The following PCDHGB2 variants were observed in gnomAD, a reference collection of about 807,000 sequenced individuals.
The protein encoded by PCDHGB2 is protocadherin gamma-B2.
In PCDHGB2, 55 loss-of-function variants were observed where a neutral mutation model predicts 59.3. The ratio of observed to expected loss-of-function variants is 0.93; its 90% CI spans 0.75 to 1.16. The LOEUF (loss-of-function observed/expected upper bound fraction) is 1.16, where lower values mean the gene tolerates loss of function less well. Ranked by LOEUF, PCDHGB2 falls within the 50% of genes most tolerant of loss-of-function variation. The probability of loss-of-function intolerance (pLI) is 0.00; values close to 1 mark genes in which losing one functional copy is unlikely to be tolerated. For missense variants in PCDHGB2, 1,228 were observed against 1,198.5 expected, an observed-to-expected ratio of 1.02 and a Z score of -0.36; for synonymous variants, 516 against 512.0, an observed-to-expected ratio of 1.01 and a Z score of -0.11.
intron 1 of PCDHGB2, chr5:141,394,121 T>G: frequency 6.2e-7 from 1 of 1,613,920 alleles, no homozygotes; most frequent in Non-Finnish European, 8.5e-7. Flanking sequence ...CCACTGAAAC[T>G]CAAATCGCTC....
intron 1 of PCDHGB2, among the ~76,000 whole-genome samples, chr5:141,492,167 C>T (rs565536989): frequency 6.6e-6 from 1 of 152,344 alleles, no homozygotes; most frequent in East Asian, 1.9e-4. Context: ...CCTATCCCCG[C>T]ATCACCCAAC....
In PCDHGB2 at chr5:141,511,269, C is replaced by A; in HGVS notation, c.*96C>A. The A allele has an allele frequency of 1.3e-6, 2 of 1,546,672 alleles. No homozygotes were observed. Among genetic ancestry groups the A allele is most frequent in the Non-Finnish European group, 1.7e-6 (2 of 1,145,264 alleles). The stretch of plus-strand genomic sequence containing the variant: ...AGGCCTCAGAGTTTCAGGGCTAACC[C>A]CCAGAATACTGGTAGGGGCCAAGGC... On this transcript the variant is annotated 3_prime_UTR_variant, in exon 4 of 4. Transcript: ENST00000522605.
At position 141,476,789 on chromosome 5, in the gene PCDHGB2, T is replaced by C; in HGVS notation, c.2422-18018T>C. ...GTTGGACGGAGGGACCCCAGCTCTC[T>C]CCGCCAGCCTGCCTATTCACATCAA... On this transcript the variant is annotated intron_variant, in intron 1 of 3. Transcript: ENST00000522605. The surrounding 1 kb of genome is among the most constrained non-coding windows in gnomAD (Gnocchi z 7.6). 1.2e-6 allele frequency: 2 copies of C among 1,613,374 alleles called. No individual in the cohort carries two copies. The highest frequency in any genetic ancestry group is 4.5e-5 in the East Asian group (2 of 44,864).
chr5:141,400,743 C>G (rs1404866842), intron 1 of PCDHGB2: 1 of 611,332 alleles, frequency 1.6e-6, no homozygotes, highest in Non-Finnish European at 2.8e-6. Flanking sequence ...AGAGTTTGCT[C>G]TTAGCTTCCT....
intron 3 of PCDHGB2, chr5:141,507,213 G>C (rs1016967764): frequency 6.6e-6 from 1 of 152,558 alleles, no homozygotes; most frequent in African/African-American, 2.4e-5. Context: ...AGGGTTGCCA[G>C]ATAAAATACA....
Position 141,505,441 on chromosome 5 carries a change from C to A in PCDHGB2, c.2529C>A (p.Asp843Glu), listed in dbSNP as rs2099846055. 6.2e-7 allele frequency: 1 copy of A among 1,614,084 alleles called. No individual in the cohort carries two copies. Among genetic ancestry groups the A allele is most frequent in the Non-Finnish European group, 8.5e-7 (1 of 1,180,024 alleles). Reference sequence around the variant, plus strand: ...GCACCTGGCCCAACAACCAGTTTGACACAGAGATGCTGCAAGCCATGATCT... The same window carrying A: ...GCACCTGGCCCAACAACCAGTTTGAAACAGAGATGCTGCAAGCCATGATCT... ...DTGTWPNNQFDTEMLQAMILA... is the reference protein window; with the variant it reads ...DTGTWPNNQFETEMLQAMILA... Residue 843 changes from aspartate to glutamate, a missense_variant, in exon 3 of 4, where the codon GAC becomes GAA. Transcript: ENST00000522605.
chr5:141,483,648 TTGTG>T (rs111458813), intron 1 of PCDHGB2, among the ~76,000 whole-genome samples: 10 of 149,592 alleles, frequency 6.7e-5, no homozygotes, highest in Non-Finnish European at 1.0e-4. Flanking sequence ...GGGTGTGTGT[TTGTG>T]TGTGTGTGTG....
At chr5:141,467,939 A>G (rs2099154812) in intron 1 of PCDHGB2, among the ~76,000 whole-genome samples, 2 of 152,190 alleles carry the variant, frequency 1.3e-5, no homozygotes, top group Admixed American at 6.5e-5. Context: ...GATTACAAGC[A>G]TGAGCCACCA....
chr5:141,408,909 A>G lies in PCDHGB2; in HGVS notation c.2421+46353A>G, dbSNP rs746399377. On this transcript the variant is annotated intron_variant, in intron 1 of 3. Transcript: ENST00000522605. ...ATAGAAATTTCTGTCAAGGATACCA[A>G]TGATAACCCCCCGGTTTTCAGCAGA... 1.3e-5 allele frequency: 21 copies of G among 1,613,442 alleles called. No individual in the cohort carries two copies. In the East Asian group the frequency reaches 2.5e-4, roughly 19 times the overall value.
chr5:141,376,790 C>T (rs993106299), intron 1 of PCDHGB2: 2 of 364,964 alleles, frequency 5.5e-6, no homozygotes, highest in Non-Finnish European at 9.9e-6. Context: ...GGGTTCACGC[C>T]ATTCTCCTGC....
At position 141,487,578 on chromosome 5, in the gene PCDHGB2, C is replaced by T. The variant is rs1293087014; in HGVS notation, c.2422-7229C>T. The T allele has an allele frequency of 1.2e-6, 2 of 1,614,052 alleles. No individual in the cohort carries two copies. Among genetic ancestry groups the T allele is most frequent in the Non-Finnish European group, 1.7e-6 (2 of 1,180,044 alleles). ...CCTATGGCAGGGGAGCCTGTTCGCC[C>T]AAGCTGCCCACCCTCTGATCTTCTC... On this transcript the variant is annotated intron_variant, in intron 1 of 3. Coordinates refer to ENST00000522605, the MANE Select transcript of PCDHGB2 (RefSeq NM_018923.3). The surrounding 1 kb of genome is among the most constrained non-coding windows in gnomAD (Gnocchi z 5.0).
rs752954707 is a variant in PCDHGB2 at position 141,476,801 on chromosome 5, C to T, written c.2422-18006C>T. The T allele has an allele frequency of 6.2e-7, 1 of 1,613,586 alleles. No individual in the cohort carries two copies. Among genetic ancestry groups the T allele is most frequent in the Non-Finnish European group, 8.5e-7 (1 of 1,180,020 alleles). On this transcript the variant is annotated intron_variant, in intron 1 of 3. Coordinates refer to ENST00000522605, the MANE Select transcript of PCDHGB2 (RefSeq NM_018923.3). This position sits in a 1 kb window ranked among gnomAD's most constrained non-coding sequence, Gnocchi z 7.6. Reference sequence around the variant, plus strand: ...GACCCCAGCTCTCTCCGCCAGCCTGCCTATTCACATCAAGGTGCTGGACGC... The same window carrying T: ...GACCCCAGCTCTCTCCGCCAGCCTGTCTATTCACATCAAGGTGCTGGACGC...
chr5:141,391,553 T>G (rs2150453893), intron 1 of PCDHGB2: 1 of 152,348 alleles, frequency 6.6e-6, no homozygotes, highest in South Asian at 2.1e-4. Context: ...CTACCCAGTT[T>G]TCCATATGCA....
chr5:141,414,161 G>A (rs960511656), intron 1 of PCDHGB2: 1 of 1,603,276 alleles, frequency 6.2e-7, no homozygotes, highest in Non-Finnish European at 8.5e-7. Flanking sequence ...GAAGATGGAG[G>A]AGCATATCTT....
intron 1 of PCDHGB2, chr5:141,423,463 G>C (rs772779471): frequency 1.2e-6 from 2 of 1,613,874 alleles, no homozygotes; most frequent in South Asian, 2.2e-5. Context: ...AGGCGTGGAC[G>C]GGGTACAGGC....
intron 1 of PCDHGB2, chr5:141,409,314 C>G: frequency 1.9e-6 from 3 of 1,613,878 alleles, no homozygotes; most frequent in Non-Finnish European, 2.5e-6. Flanking sequence ...CTCTTCAAAA[C>G]ACGGGATCTG....
intron 1 of PCDHGB2, chr5:141,405,598 T>G: frequency 1.7e-6 from 1 of 577,840 alleles, no homozygotes; most frequent in South Asian, 2.2e-5. Context: ...GCCTCCCAAG[T>G]AGAATAACTG....
In PCDHGB2 at chr5:141,361,812, G is replaced by C; in HGVS notation, c.1677G>C (p.Ala559=). 1 of 1,613,072 alleles carries C rather than the reference G, an allele frequency of 6.2e-7. No homozygotes were observed. Among genetic ancestry groups the C allele is most frequent in the Non-Finnish European group, 8.5e-7 (1 of 1,179,728 alleles). ...TAGTGGGCGACCTCAATGACAATGC[G>C]CCACGGGTGCTGTACCCCGCGCTGG... ...RVLVGDLNDN[A]PRVLYPALGP... Residue 559 remains alanine (A), a synonymous_variant, in exon 1 of 4, where the codon GCG becomes GCC. Coordinates refer to ENST00000522605, the MANE Select transcript of PCDHGB2 (RefSeq NM_018923.3).
intron 1 of PCDHGB2, chr5:141,423,675 T>C: frequency 1.3e-6 from 2 of 1,540,488 alleles, no homozygotes; most frequent in Non-Finnish European, 1.7e-6. Flanking sequence ...GATTTATTTC[T>C]CTGCCTCCTA....
Sources: allele counts gnomAD v4.1 joint callset (sites outside exome capture counted in the v4.1 genomes callset), GRCh38; gene constraint gnomAD v4.1.1; non-coding constraint Gnocchi (gnomAD v3.1); transcripts MANE v1.5; gene names NCBI Gene and HGNC (gene_info 2026-07-23, HGNC 2026-07-21).